Variants in OR2H1 observed in about 807,000 individuals in gnomAD.
The protein encoded by OR2H1 is olfactory receptor family 2 subfamily H member 1.
For missense variants in OR2H1, 380 were observed against 367.3 expected (o/e 1.03, Z -0.28); for synonymous variants, 155 against 155.2 (o/e 1.00, Z 0.01).
At position 29,462,153 on chromosome 6, in the gene OR2H1, C is replaced by G; in HGVS notation, c.384C>G (p.Leu128=). The change falls in exon 4 of 4, where the codon CTC becomes CTG. Residue 128 remains leucine, a synonymous_variant. Coordinates refer to ENST00000377133, the MANE Select transcript of OR2H1 (RefSeq NM_030883.5). ...GATACGTGGCTGTCTGCCAGCCCCT[C>G]CACTATGCCACCATCATCCACCCCC... ...FDRYVAVCQP[L]HYATIIHPRL... 1.2e-6 allele frequency: 2 copies of G among 1,613,698 alleles called. No homozygotes were observed. Among genetic ancestry groups the G allele is most frequent in the Non-Finnish European group, 1.7e-6 (2 of 1,180,014 alleles).
At position 29,462,059 on chromosome 6, in the gene OR2H1, TC is replaced by T. The variant is rs1787338365; in HGVS notation, c.292del (p.Gln98SerfsTer16). On this transcript the variant is annotated frameshift_variant, in exon 4 of 4. Transcript: ENST00000377133. LOFTEE classifies it low-confidence loss of function (END_TRUNC). ...KKTISFLGCSVQLFIFLSLGT... is the reference protein window; with the variant it reads ...KKTISFLGCSXQLFIFLSLGT... ...ACCATCAGCTTCCTGGGATGCTCTG[TC>T]CAGCTCTTCATCTTCCTGTCCCTGG... The T allele has an allele frequency of 1.9e-6, 3 of 1,613,454 alleles. No individual in the cohort carries two copies. The African/African-American group carries it at 4.0e-5, about 22-fold the overall frequency.
chr6:29,460,255 G>C (rs1787071546), intron 2 of OR2H1, 149 bp from the exon 3 acceptor site: 1 of 151,982 alleles, frequency 6.6e-6, no homozygotes, highest in African/African-American at 2.4e-5. Flanking sequence ...GCCCAGGCTG[G>C]AGTGTAATGG....
chr6:29,459,485 G>A (rs938662717), intron 2 of OR2H1, among the ~76,000 whole-genome samples: 4 of 152,202 alleles, frequency 2.6e-5, no homozygotes, highest in Non-Finnish European at 4.4e-5. Context: ...GAGACGTAAT[G>A]ATGGAGGAAG....
Position 29,462,244 on chromosome 6 carries a change from C to T in OR2H1, c.475C>T (p.Pro159Ser). ...MSLVQSIVQT[P>S]STLHLPFCPH... ...TCTGGTTCAATCGATAGTCCAGACA[C>T]CATCCACCCTCCACTTGCCCTTCTG... The change falls in exon 4 of 4, where the codon CCA (proline) becomes TCA (serine). Residue 159 changes from proline (P) to serine (S), a missense_variant. By Grantham distance (74) the Pro-to-Ser change is moderately conservative. Transcript: ENST00000377133. 1 of 1,613,368 alleles carries T rather than the reference C, an allele frequency of 6.2e-7. No homozygotes were observed. Among genetic ancestry groups the T allele is most frequent in the East Asian group, 2.2e-5 (1 of 44,876 alleles).
Position 29,462,543 on chromosome 6 carries a change from C to A in OR2H1, c.774C>A (p.Leu258=). ...LFYSSVIAVY[L]QPKNPYAQGR... is the part of the protein sequence containing the mutation. ...ACAGCTCAGTCATTGCTGTCTACCTCCAGCCCAAAAATCCGTATGCCCAAG... is the reference window on the plus strand; with the variant it reads ...ACAGCTCAGTCATTGCTGTCTACCTACAGCCCAAAAATCCGTATGCCCAAG... Residue 258 remains leucine (L), a synonymous_variant, in exon 4 of 4, where the codon CTC becomes CTA. Coordinates refer to ENST00000377133, the MANE Select transcript of OR2H1 (RefSeq NM_030883.5). 2 of 1,612,990 alleles carry A rather than the reference C, an allele frequency of 1.2e-6. No individual in the cohort carries two copies. Among genetic ancestry groups the A allele is most frequent in the Non-Finnish European group, 1.7e-6 (2 of 1,180,016 alleles).
Position 29,462,132 on chromosome 6 carries a change from C to T in OR2H1, c.363C>T (p.Tyr121=), listed in dbSNP as rs753680027. Residue 121 remains tyrosine (Y), a synonymous_variant, in exon 4 of 4, where the codon TAC becomes TAT. Coordinates refer to ENST00000377133, the MANE Select transcript of OR2H1 (RefSeq NM_030883.5). ...ILLTVMAFDR[Y]VAVCQPLHYA... is the part of the protein sequence containing the mutation. ...TGACAGTGATGGCCTTTGACCGATA[C>T]GTGGCTGTCTGCCAGCCCCTCCACT... 13 of 1,613,482 alleles carry T rather than the reference C, an allele frequency of 8.1e-6. No individual in the cohort carries two copies. The highest frequency in any genetic ancestry group is 4.0e-5 in the African/African-American group (3 of 74,868).
intron 1 of OR2H1, among the ~76,000 whole-genome samples, chr6:29,457,482 G>A (rs1381199217): frequency 6.6e-6 from 1 of 152,154 alleles, no homozygotes; most frequent in Non-Finnish European, 1.5e-5. Context: ...TGAAGTTCTG[G>A]AAAAAGCAAA....
rs748166500 is a variant in OR2H1 at position 29,462,413 on chromosome 6, C to T, written c.644C>T (p.Ser215Phe). 3.1e-6 allele frequency: 5 copies of T among 1,613,114 alleles called. No individual in the cohort carries two copies. Among genetic ancestry groups the T allele is most frequent in the Non-Finnish European group, 4.2e-6 (5 of 1,180,030 alleles). ...VVVPLSLILASYGATAQAVLR... is the reference protein window; with the variant it reads ...VVVPLSLILAFYGATAQAVLR... The stretch of plus-strand genomic sequence containing the variant: ...GTGCCTCTCAGCCTCATCCTTGCCT[C>T]TTATGGAGCCACTGCCCAGGCAGTG... Residue 215 changes from serine (S) to phenylalanine (F), a missense_variant, in exon 4 of 4, where the codon TCT becomes TTT. Coordinates refer to ENST00000377133, the MANE Select transcript of OR2H1 (RefSeq NM_030883.5).
At position 29,462,421 on chromosome 6, in the gene OR2H1, G is replaced by A. The variant is rs560700107; in HGVS notation, c.652G>A (p.Ala218Thr). 149 of 1,613,062 alleles carry A rather than the reference G, an allele frequency of 9.2e-5. 3 individuals are homozygous for A. The South Asian group carries it at 1.5e-3, about 17-fold the overall frequency. The change falls in exon 4 of 4, where the codon GCC becomes ACC. Residue 218 changes from alanine (A) to threonine (T), a missense_variant. Ala to Thr is a moderately conservative substitution (Grantham distance 58). Transcript: ENST00000377133. Reference sequence around the variant, plus strand: ...CAGCCTCATCCTTGCCTCTTATGGAGCCACTGCCCAGGCAGTGCTGAGGAT... The same window carrying A: ...CAGCCTCATCCTTGCCTCTTATGGAACCACTGCCCAGGCAGTGCTGAGGAT... ...PLSLILASYG[A>T]TAQAVLRINS...
chr6:29,463,056 T>G lies in OR2H1; in HGVS notation c.*336T>G. On this transcript the variant is annotated 3_prime_UTR_variant, in exon 4 of 4. Coordinates refer to ENST00000377133, the MANE Select transcript of OR2H1 (RefSeq NM_030883.5). Reference sequence around the variant, plus strand: ...CCTATTTCTGGTTATATAATTGCTCTCCAATTGTCATGTCAGTGTAGGGGA... The same window carrying G: ...CCTATTTCTGGTTATATAATTGCTCGCCAATTGTCATGTCAGTGTAGGGGA... 2.9e-6 allele frequency: 1 copy of G among 340,296 alleles called. No individual in the cohort carries two copies. Among genetic ancestry groups the G allele is most frequent in the Non-Finnish European group, 5.6e-6 (1 of 178,218 alleles). The allele number at this position is 340,296 out of a possible 1,614,324, so 21.1% of individuals were successfully genotyped here.
intron 1 of OR2H1, among the ~76,000 whole-genome samples, chr6:29,458,232 G>A (rs1464947441): frequency 1.3e-5 from 2 of 152,160 alleles, no homozygotes; most frequent in Admixed American, 6.5e-5. Flanking sequence ...GGTCTTTGGT[G>A]CTTACTAGCT....
At position 29,462,782 on chromosome 6, in the gene OR2H1, T is replaced by A; in HGVS notation, c.*62T>A. On this transcript the variant is annotated 3_prime_UTR_variant, in exon 4 of 4. Coordinates refer to ENST00000377133, the MANE Select transcript of OR2H1 (RefSeq NM_030883.5). ...TATGAACATGTTAAGTTTTCCAGAC[T>A]ACTACCCTTCCCACATACACCTGAG... The A allele has an allele frequency of 7.9e-7, 1 of 1,260,812 alleles. No individual in the cohort carries two copies. Among genetic ancestry groups the A allele is most frequent in the Non-Finnish European group, 1.1e-6 (1 of 898,474 alleles). The allele number at this position is 1,260,812 out of a possible 1,614,324, so 78.1% of individuals were successfully genotyped here.
chr6:29,461,844 C>G lies in OR2H1; in HGVS notation c.75C>G (p.Leu25=), dbSNP rs1787299094. The G allele has an allele frequency of 6.2e-7, 1 of 1,612,978 alleles. No individual in the cohort carries two copies. Reference sequence around the variant, plus strand: ...AACACCCAGCACTGGAAAGGACTCTCTTTGTGGTTGTCTTCACTTCCTACC... The same window carrying G: ...AACACCCAGCACTGGAAAGGACTCTGTTTGTGGTTGTCTTCACTTCCTACC... ...FSEHPALERT[L]FVVVFTSYLL... The change falls in exon 4 of 4, where the codon CTC becomes CTG. Residue 25 remains leucine, a synonymous_variant. Transcript: ENST00000377133.
chr6:29,458,685 G>A (rs1786809693), intron 2 of OR2H1, 116 bp downstream of exon 2: 1 of 152,126 alleles, frequency 6.6e-6, no homozygotes, highest in African/African-American at 2.4e-5. Context: ...GGGTAACCCT[G>A]GGCAAGTTAC....
rs150194589 is a variant in OR2H1, at chr6:29,462,558, G to C, written c.789G>C (p.Pro263=). Residue 263 remains proline (P), a synonymous_variant, in exon 4 of 4, where the codon CCG becomes CCC. Transcript: ENST00000377133. Reference sequence around the variant, plus strand: ...CTGTCTACCTCCAGCCCAAAAATCCGTATGCCCAAGGGAGGGGCAAGTTCT... The same window carrying C: ...CTGTCTACCTCCAGCCCAAAAATCCCTATGCCCAAGGGAGGGGCAAGTTCT... ...VIAVYLQPKN[P]YAQGRGKFFG... is the part of the protein sequence containing the mutation. 447 of 1,612,916 alleles carry C rather than the reference G, an allele frequency of 2.8e-4. 1 individual carries two copies. The African/African-American group carries it at 5.0e-3, about 18-fold the overall frequency.
At position 29,462,898 on chromosome 6, in the gene OR2H1, G is replaced by A; in HGVS notation, c.*178G>A. ...GAGAGATAAAAGAAATTGGGTGAGA[G>A]GAGATAGGTAGCTCCATAAGGCACA... On this transcript the variant is annotated 3_prime_UTR_variant, in exon 4 of 4. Transcript: ENST00000377133. 1 of 604,806 alleles carries A rather than the reference G, an allele frequency of 1.7e-6. No individual in the cohort carries two copies. 37.5% of individuals were successfully genotyped at this position (604,806 alleles called of 1,614,324 possible). A position where few individuals can be genotyped will look rare whatever the true frequency, so the allele number is the denominator to read the frequency against.
Position 29,462,098 on chromosome 6 carries a change from G to A in OR2H1, c.329G>A (p.Cys110Tyr). ...TTCCTGTCCCTGGGGACCACTGAGT[G>A]CATCCTCCTGACAGTGATGGCCTTT... is the stretch of plus-strand genomic sequence containing the variant. ...FIFLSLGTTE[C>Y]ILLTVMAFDR... is the part of the protein sequence containing the mutation. The change falls in exon 4 of 4, where the codon TGC becomes TAC. Residue 110 changes from cysteine to tyrosine, a missense_variant. Coordinates refer to ENST00000377133, the MANE Select transcript of OR2H1 (RefSeq NM_030883.5). 6.2e-7 allele frequency: 1 copy of A among 1,613,678 alleles called. No homozygotes were observed. The highest frequency in any genetic ancestry group is 1.1e-5 in the South Asian group (1 of 91,074).
rs1484659807 is a variant in OR2H1 at position 29,463,774 on chromosome 6, T to A, written c.*1054T>A. The A allele has an allele frequency of 6.0e-6, 1 of 167,128 alleles. No individual in the cohort carries two copies. The highest frequency in any genetic ancestry group is 1.5e-5 in the Non-Finnish European group (1 of 68,136). 10.4% of individuals were successfully genotyped at this position (167,128 alleles called of 1,614,324 possible). On this transcript the variant is annotated 3_prime_UTR_variant, in exon 4 of 4. Transcript: ENST00000377133. The stretch of plus-strand genomic sequence containing the variant: ...TTCTGGAGGCTGGAAACTCCAAGAT[T>A]AAGGCAGATTTCATGCCTATTGAGG...
At position 29,462,874 on chromosome 6, in the gene OR2H1, A is replaced by G. The variant is rs1582680836; in HGVS notation, c.*154A>G. The G allele has an allele frequency of 1.3e-5, 8 of 628,996 alleles. No homozygotes were observed. The highest frequency in any genetic ancestry group is 9.2e-5 in the African/African-American group (5 of 54,272). 39.0% of individuals were successfully genotyped at this position (628,996 alleles called of 1,614,324 possible). A position where few individuals can be genotyped will look rare whatever the true frequency, so the allele number is the denominator to read the frequency against. On this transcript the variant is annotated 3_prime_UTR_variant, in exon 4 of 4. Transcript: ENST00000377133. ...GGGAGAATGAGAAAGAGAGGGACAG[A>G]GAGATAAAAGAAATTGGGTGAGAGG... is the stretch of plus-strand genomic sequence containing the variant.
Sources: allele counts gnomAD v4.1 joint callset (sites outside exome capture counted in the v4.1 genomes callset), GRCh38; gene constraint gnomAD v4.1.1; transcripts MANE v1.5; gene names NCBI Gene and HGNC (gene_info 2026-07-23, HGNC 2026-07-21).